The following DNAJB12 variants were observed in gnomAD, a reference collection of about 807,000 sequenced individuals.
DNAJB12 encodes dnaJ homolog subfamily B member 12.
Under a neutral mutation model 40.6 loss-of-function variants are expected in DNAJB12, and 14 were observed. The observed-to-expected ratio is 0.34, with a 90% CI of 0.23 to 0.54. The LOEUF is 0.54. Ranked by LOEUF, DNAJB12 falls within the 20% of genes least tolerant of loss-of-function variation. The pLI, the probability that DNAJB12 is intolerant of heterozygous loss-of-function variation, is 0.92. For missense variants in DNAJB12, 444 were observed against 501.7 expected (o/e 0.89, Z 1.10); for synonymous variants, 181 against 199.5 (o/e 0.91, Z 0.78).
At chr10:72,349,049 G>A (rs560992831) in intron 1 of DNAJB12, among the ~76,000 whole-genome samples, 5 of 152,300 alleles carry the variant, frequency 3.3e-5, no homozygotes, top group Non-Finnish European at 2.9e-5. Context: ...GTCTGATGGG[G>A]TGGGGATCGG....
In DNAJB12 at chr10:72,336,666, A is replaced by G. The variant is rs775259023; in HGVS notation, c.864T>C (p.Thr288=). The G allele has an allele frequency of 3.7e-6, 6 of 1,614,118 alleles. No individual in the cohort carries two copies. In the Middle Eastern group the frequency reaches 6.6e-4, roughly 178 times the overall value. The change falls in exon 7 of 9, where the codon ACT becomes ACC. Residue 288 remains threonine (T), a synonymous_variant. Transcript: ENST00000444643. ...CATAGTAGACGACACCCAGGTGGTC[A>G]GTGACTCGCCTGTGGATGTGGCCCA... ...PSVGHIHRRV[T]DHLGVVYYVG...
intron 7 of DNAJB12, 150 bp downstream of exon 7, chr10:72,336,374 A>C (rs1360523982): frequency 1.2e-6 from 1 of 837,770 alleles, no homozygotes; most frequent in African/African-American, 1.7e-5. Context: ...AGTGGAGACC[A>C]GCTCTTGTCT....
intron 1 of DNAJB12, among the ~76,000 whole-genome samples, chr10:72,351,098 G>A (rs780050726): frequency 7.9e-5 from 12 of 152,190 alleles, no homozygotes; most frequent in Non-Finnish European, 1.3e-4. Flanking sequence ...CTCTTTGTAT[G>A]CTGGGGAAAC....
chr10:72,338,980 T>A (rs1209122918), intron 5 of DNAJB12, among the ~76,000 whole-genome samples: 1 of 151,886 alleles, frequency 6.6e-6, no homozygotes, highest in Admixed American at 6.6e-5. Context: ...AAAATTTTGA[T>A]CAGGGGCAAT....
At chr10:72,340,728 C>T (rs1861610138) in intron 5 of DNAJB12, 61 bp downstream of exon 5, 28 of 1,537,532 alleles carry the variant, frequency 1.8e-5, no homozygotes, top group Non-Finnish European at 2.5e-5. Flanking sequence ...TCCTCCAAGC[C>T]CCCTCCCTGG....
intron 5 of DNAJB12, among the ~76,000 whole-genome samples, 159 bp from the exon 6 acceptor site, chr10:72,338,470 G>A (rs1189374209): frequency 6.6e-6 from 1 of 151,760 alleles, no homozygotes; most frequent in African/African-American, 2.4e-5. Context: ...TCCTTCACCT[G>A]CCAGCTTTCC....
In DNAJB12 at chr10:72,335,568, G is replaced by C; in HGVS notation, c.*30+212C>G. 6.0e-6 allele frequency: 8 copies of C among 1,342,964 alleles called. No homozygotes were observed. The highest frequency in any genetic ancestry group is 3.1e-5 in the East Asian group (1 of 32,058). The allele number at this position is 1,342,964 out of a possible 1,614,324, so 83.2% of individuals were successfully genotyped here. On this transcript the variant is annotated intron_variant, in intron 8 of 8. Coordinates refer to ENST00000444643, the MANE Select transcript of DNAJB12 (RefSeq NM_017626.7). The surrounding 1 kb of genome is among the most constrained non-coding windows in gnomAD (Gnocchi z 4.4). ...GAGCCAGGGAGCAGAGCGGAGGAGT[G>C]GGGAGGACAGCATCGCTAGAGGGCG...
chr10:72,345,332 T>C (rs1278444384), intron 1 of DNAJB12, among the ~76,000 whole-genome samples: 1 of 152,192 alleles, frequency 6.6e-6, no homozygotes, highest in African/African-American at 2.4e-5. Context: ...CCGGACGTGG[T>C]GGTTCACACC....
At chr10:72,336,874 C>T (rs1228493671) in intron 6 of DNAJB12, 178 bp from the exon 7 acceptor site, 2 of 538,636 alleles carry the variant, frequency 3.7e-6, no homozygotes, top group Admixed American at 3.3e-5. Flanking sequence ...AGGCAGCGTC[C>T]TCCCACACAC....
chr10:72,349,138 C>G (rs1202367557), intron 1 of DNAJB12, among the ~76,000 whole-genome samples: 1 of 152,142 alleles, frequency 6.6e-6, no homozygotes, highest in African/African-American at 2.4e-5. Flanking sequence ...TCTGCCATTC[C>G]TAGCAGTGTG....
Position 72,354,871 on chromosome 10 carries a change from C to T in DNAJB12, c.27G>A (p.Glu9=), listed in dbSNP as rs371945245. The T allele has an allele frequency of 4.3e-6, 7 of 1,614,004 alleles. No homozygotes were observed. The highest frequency in any genetic ancestry group is 2.7e-5 in the African/African-American group (2 of 74,948). The change falls in exon 1 of 9, where the codon GAG becomes GAA. Residue 9 remains glutamate, a synonymous_variant. Transcript: ENST00000444643. ...CCTTGAGGGCGATGCTGATACAGCG[C>T]TCAGCTTCATCCTTGTTGGATTCCA... is the stretch of plus-strand genomic sequence containing the variant. The part of the protein sequence containing the change: MESNKDEA[E]RCISIALKAI...
chr10:72,346,150 A>T (rs1318601278), intron 1 of DNAJB12, among the ~76,000 whole-genome samples: 2 of 152,034 alleles, frequency 1.3e-5, no homozygotes, highest in African/African-American at 4.8e-5. Flanking sequence ...TACTTTATTT[A>T]GAGTTATTTT....
chr10:72,354,656 A>AGCCGCGCCTC, intron 1 of DNAJB12, 109 bp downstream of exon 1: 1 of 1,066,298 alleles, frequency 9.4e-7, no homozygotes, highest in Non-Finnish European at 1.3e-6. Context: ...GCGCAGGCGT[A>AGCCGCGCCTC]GCCGCGCCTC....
At chr10:72,340,058 TCAGTGGCAGAGCG>T (rs1166774130) in intron 5 of DNAJB12, among the ~76,000 whole-genome samples, 2 of 152,146 alleles carry the variant, frequency 1.3e-5, no homozygotes, top group East Asian at 3.9e-4. Flanking sequence ...TAAAATTCTC[TCAGTGGCAGAGCG>T]CAGTGGCTCA....
intron 5 of DNAJB12, among the ~76,000 whole-genome samples, chr10:72,338,562 A>G (rs1378723527): frequency 6.6e-6 from 1 of 152,188 alleles, no homozygotes; most frequent in African/African-American, 2.4e-5. Flanking sequence ...AATGCCAAAA[A>G]AAAAAAAAAA....
At position 72,336,554 on chromosome 10, in the gene DNAJB12, G is replaced by A. The variant is rs1185565262; in HGVS notation, c.976C>T (p.Arg326Trp). 1.2e-6 allele frequency: 2 copies of A among 1,613,938 alleles called. No homozygotes were observed. Among genetic ancestry groups the A allele is most frequent in the Non-Finnish European group, 1.7e-6 (2 of 1,179,988 alleles). Residue 326 changes from arginine (R) to tryptophan (W), a missense_variant, in exon 7 of 9, where the codon CGG becomes TGG. By Grantham distance (101) the Arg-to-Trp change is moderately radical (BLOSUM62 -3). Coordinates refer to ENST00000444643, the MANE Select transcript of DNAJB12 (RefSeq NM_017626.7). ...TGCTTCTCCTTCCAGCAGTTGTTCC[G>A]GAGGTTGGCGATATAATCATCTTCC... ...NVEDDYIANL[R>W]NNCWKEKQQK...
At chr10:72,339,402 C>A (rs1861567482) in intron 5 of DNAJB12, among the ~76,000 whole-genome samples, 1 of 151,650 alleles carries the variant, frequency 6.6e-6, no homozygotes, top group Admixed American at 6.6e-5. Context: ...GGTGTGGTGG[C>A]GGGCGCCTGT....
chr10:72,350,213 A>G (rs1433122293), intron 1 of DNAJB12, among the ~76,000 whole-genome samples: 2 of 151,910 alleles, frequency 1.3e-5, no homozygotes, highest in Non-Finnish European at 2.9e-5. Context: ...CAGCCTTGGC[A>G]ACACAGGAAG....
Position 72,344,993 on chromosome 10 carries a change from T to C in DNAJB12, c.268A>G (p.Ser90Gly), listed in dbSNP as rs1268610560. ...PSANGEAGGE[S>G]TKGYTAEQVA... The stretch of plus-strand genomic sequence containing the variant: ...TGTTCTGCAGTGTAGCCTTTGGTGC[T>C]CTCTCCTCCAGCTTCACCGTTGGCC... Residue 90 changes from serine (S) to glycine (G), a missense_variant, in exon 2 of 9, where the codon AGC (serine) becomes GGC (glycine). Transcript: ENST00000444643. 2 of 1,614,188 alleles carry C rather than the reference T, an allele frequency of 1.2e-6. No individual in the cohort carries two copies. The highest frequency in any genetic ancestry group is 1.7e-6 in the Non-Finnish European group (2 of 1,180,024).
Sources: gnomAD v4.1 joint callset for allele counts (sites outside exome capture counted in the v4.1 genomes callset) on GRCh38, gnomAD v4.1.1 for gene constraint, Gnocchi (gnomAD v3.1) non-coding constraint, MANE v1.5 for transcripts, NCBI Gene and HGNC (gene_info 2026-07-23, HGNC 2026-07-21) for gene names.